The following SLC44A2 variants were observed in gnomAD, a reference collection of about 807,000 sequenced individuals.
SLC44A2 encodes choline transporter-like protein 2.
SLC44A2 carries 57 observed loss-of-function variants against 90.8 expected under a neutral mutation model. That is an observed-to-expected ratio of 0.63 (90% CI 0.51 to 0.78). The LOEUF (loss-of-function observed/expected upper bound fraction) is 0.78, where lower values mean the gene tolerates loss of function less well. Among genes scored for constraint, SLC44A2 ranks in the 30% least tolerant of loss-of-function variants. The pLI is 0.00. For missense variants in SLC44A2, 794 were observed against 919.7 expected (o/e 0.86, Z 1.77); for synonymous variants, 355 against 360.7 (o/e 0.98, Z 0.18).
rs1252615684 is a variant in SLC44A2 at position 10,628,047 on chromosome 19, G to A, written c.245+43G>A. 3 of 1,534,740 alleles carry A rather than the reference G, an allele frequency of 2.0e-6. No homozygotes were observed. The Admixed American group carries it at 5.4e-5, about 28-fold the overall frequency. On this transcript the variant is annotated intron_variant, in intron 4 of 21. Coordinates refer to ENST00000335757, the MANE Select transcript of SLC44A2 (RefSeq NM_020428.4). ...GGCCTGGTGGGGCTGGGGAAGAGGGGGCAGAAGATTCTAGGCATTCCCCAT... is the reference window on the plus strand; with the variant it reads ...GGCCTGGTGGGGCTGGGGAAGAGGGAGCAGAAGATTCTAGGCATTCCCCAT...
chr19:10,609,177 T>C (rs775384220), intron 1 of SLC44A2, among the ~76,000 whole-genome samples: 1 of 152,010 alleles, frequency 6.6e-6, no homozygotes, highest in Admixed American at 6.6e-5. Flanking sequence ...AGGCTGGTCT[T>C]GAACTCCTGA....
intron 1 of SLC44A2, among the ~76,000 whole-genome samples, chr19:10,613,892 T>C (rs1426057433): frequency 3.9e-5 from 6 of 152,092 alleles, no homozygotes; most frequent in African/African-American, 1.4e-4. Context: ...ACATCGATTG[T>C]AGCCCAGTGA....
rs971056472 is a variant in SLC44A2, at chr19:10,610,210, A to AT, written c.31+7649_31+7650insT. Among the ~76,000 whole-genome samples, 770 of 151,632 alleles carry AT rather than the reference A, an allele frequency of 5.1e-3. 3 individuals carry two copies. The highest frequency in any genetic ancestry group is 0.017 in the African/African-American group (712 of 41,364). ...AAATGGTTGTGAAAAAAGAAAAAAA[A>AT]ATATATATATATGACAGATGATATG... On this transcript the variant is annotated intron_variant, in intron 1 of 21. Transcript: ENST00000407327.
At chr19:10,603,760 G>T (rs551538662) in intron 1 of SLC44A2, among the ~76,000 whole-genome samples, 7 of 152,340 alleles carry the variant, frequency 4.6e-5, no homozygotes, top group African/African-American at 1.2e-4. Flanking sequence ...AGTGGCTGTG[G>T]GTGCTGTGTG....
At chr19:10,637,482 G>T (rs530303366) in intron 16 of SLC44A2, 162 bp from the exon 17 acceptor site, 1 of 638,108 alleles carries the variant, frequency 1.6e-6, no homozygotes, top group African/African-American at 1.8e-5. Context: ...CACCATCATA[G>T]CTCACTGCAG....
At chr19:10,616,823 G>A (rs1050876353) in intron 1 of SLC44A2, among the ~76,000 whole-genome samples, 3 of 151,934 alleles carry the variant, frequency 2.0e-5, no homozygotes, top group Admixed American at 6.6e-5. Flanking sequence ...GCTCACTGCC[G>A]CCTGTAACTC....
chr19:10,625,224 G>A (rs985848754), upstream of SLC44A2: 2 of 196,192 alleles, frequency 1.0e-5, no homozygotes, highest in African/African-American at 4.6e-5. Context: ...TGGTTGTCTG[G>A]GTTTGGGCAG....
At chr19:10,607,635 C>T (rs1404747010) in intron 1 of SLC44A2, among the ~76,000 whole-genome samples, 2 of 150,508 alleles carry the variant, frequency 1.3e-5, no homozygotes, top group Non-Finnish European at 3.0e-5. Flanking sequence ...GGATTATAGG[C>T]GTGGGCCACC....
intron 4 of SLC44A2, 139 bp downstream of exon 4, chr19:10,628,143 G>A: frequency 1.3e-6 from 1 of 751,060 alleles, no homozygotes; most frequent in South Asian, 1.7e-5. Flanking sequence ...CCAACACTTT[G>A]GGAGGCCGAG....
intron 1 of SLC44A2, among the ~76,000 whole-genome samples, chr19:10,618,426 C>T (rs868122247): frequency 1.3e-5 from 2 of 150,200 alleles, no homozygotes; most frequent in Non-Finnish European, 3.0e-5. Flanking sequence ...TCCCCGCCTT[C>T]GCCTCCCAAA....
chr19:10,625,745 G>T, intron 1 of SLC44A2, 75 bp downstream of exon 1: 2 of 1,176,294 alleles, frequency 1.7e-6, no homozygotes, highest in Non-Finnish European at 2.2e-6. Flanking sequence ...AGAACATGGG[G>T]CGCAGGGAAG....
chr19:10,636,800 A>C (rs1040018332), intron 16 of SLC44A2, 44 bp downstream of exon 16: 1 of 1,572,490 alleles, frequency 6.4e-7, no homozygotes, highest in African/African-American at 1.4e-5. Flanking sequence ...TTGCGGGGCG[A>C]GGCTGAATAG....
At chr19:10,609,496 T>C (rs1324769739) in intron 1 of SLC44A2, among the ~76,000 whole-genome samples, 1 of 151,972 alleles carries the variant, frequency 6.6e-6, no homozygotes, top group Non-Finnish European at 1.5e-5. Flanking sequence ...GACTGGGTTT[T>C]GCCATGTTTG....
chr19:10,635,785 T>A lies in SLC44A2; in HGVS notation c.1233+270T>A. 2.8e-5 allele frequency: 10 copies of A among 359,434 alleles called. No individual in the cohort carries two copies. The South Asian group carries it at 3.3e-4, about 12-fold the overall frequency. The allele number at this position is 359,434 out of a possible 1,614,324, so 22.3% of individuals were successfully genotyped here. The stretch of plus-strand genomic sequence containing the variant: ...TTTTCCCTACTTCCTTTTTTTTTTT[T>A]TTTTTTTTTAATAAGACAGAGTCTT... On this transcript the variant is annotated intron_variant, in intron 14 of 21. Transcript: ENST00000335757.
intron 2 of SLC44A2, among the ~76,000 whole-genome samples, chr19:10,627,387 T>C (rs2066944977): frequency 6.7e-6 from 1 of 148,924 alleles, no homozygotes; most frequent in African/African-American, 2.5e-5. Context: ...TGTATATAAA[T>C]TAAAAAAAAA....
intron 21 of SLC44A2, chr19:10,642,782 C>G: frequency 1.6e-6 from 2 of 1,282,716 alleles, no homozygotes; most frequent in Non-Finnish European, 2.1e-6. Context: ...TTGTTTTTTT[C>G]TTCTCTCTTC....
chr19:10,631,844 C>T (rs112348309), intron 8 of SLC44A2, 24 bp from the exon 9 acceptor site: 8 of 1,614,198 alleles, frequency 5.0e-6, no homozygotes, highest in African/African-American at 2.7e-5. Context: ...GGGTCTGACC[C>T]GAGCCTTGTC....
intron 10 of SLC44A2, among the ~76,000 whole-genome samples, chr19:10,633,285 T>C (rs2067016970): frequency 6.6e-6 from 1 of 151,428 alleles, no homozygotes; most frequent in Admixed American, 6.6e-5. Context: ...CTACCTCGCC[T>C]CCCGAGTATC....
At chr19:10,624,674 AAGCCCTTTGTTAAGTATCCTCTAGT>A (rs2066916009), upstream of SLC44A2, among the ~76,000 whole-genome samples, 1 of 152,240 alleles carries the variant, frequency 6.6e-6, no homozygotes, top group Non-Finnish European at 1.5e-5. Context: ...TAAGGAAGAT[AAGCCCTTTGTTAAGTATCCTCTAGT>A]TCAGAGGGTG....
Sources: allele counts gnomAD v4.1 joint callset (sites outside exome capture counted in the v4.1 genomes callset), GRCh38; gene constraint gnomAD v4.1.1; transcripts MANE v1.5; gene names NCBI Gene and HGNC (gene_info 2026-07-23, HGNC 2026-07-21).